Variants in COL26A1 observed in about 807,000 individuals in gnomAD.
COL26A1 encodes collagen alpha-1(XXVI) chain.
Under a neutral mutation model 59.3 loss-of-function variants are expected in COL26A1, and 41 were observed. That is an observed-to-expected ratio of 0.69 (90% CI 0.54 to 0.90). The LOEUF (loss-of-function observed/expected upper bound fraction) is 0.90. COL26A1 is among the 40% of genes least tolerant of loss of function. The pLI is 0.00. For missense variants in COL26A1, 612 were observed against 602.3 expected, an observed-to-expected ratio of 1.02 and a Z score of -0.17; for synonymous variants, 266 against 256.0, an observed-to-expected ratio of 1.04 and a Z score of -0.37.
chr7:101,484,880 G>A (rs957714890), intron 3 of COL26A1, among the ~76,000 whole-genome samples: 1 of 150,074 alleles, frequency 6.7e-6, no homozygotes, highest in Non-Finnish European at 1.5e-5. Flanking sequence ...TTGAGACAGA[G>A]TTTTGCTCTT....
At chr7:101,447,651 G>A in intron 2 of COL26A1, 33 bp from the exon 3 acceptor site, 2 of 1,424,984 alleles carry the variant, frequency 1.4e-6, no homozygotes, top group Non-Finnish European at 1.9e-6. Context: ...GTGGGTGGGA[G>A]CTCATGCCCC....
chr7:101,430,018 G>A (rs928663086), intron 2 of COL26A1, among the ~76,000 whole-genome samples: 11 of 152,072 alleles, frequency 7.2e-5, no homozygotes, highest in African/African-American at 2.7e-4. Context: ...CATTTAACCT[G>A]TATATCTATT....
intron 1 of COL26A1, among the ~76,000 whole-genome samples, chr7:101,413,896 T>C (rs1398795337): frequency 6.6e-6 from 1 of 152,118 alleles, no homozygotes; most frequent in East Asian, 1.9e-4. Context: ...GTGCAGTTAT[T>C]TTATGGCCCC....
intron 3 of COL26A1, among the ~76,000 whole-genome samples, chr7:101,452,327 G>A (rs946412477): frequency 3.3e-5 from 5 of 152,134 alleles, no homozygotes; most frequent in African/African-American, 7.2e-5. Flanking sequence ...GGTTCATGTG[G>A]GGCTGTGGAC....
At chr7:101,379,119 A>G (rs1468951088) in intron 1 of COL26A1, among the ~76,000 whole-genome samples, 1 of 151,924 alleles carries the variant, frequency 6.6e-6, no homozygotes, top group African/African-American at 2.4e-5. Context: ...GGGAGGGTTT[A>G]TCTCCCTTCC....
Position 101,512,996 on chromosome 7 carries a change from TTTATTA to T in COL26A1, c.386-20065_386-20060del, listed in dbSNP as rs60374143. Among the ~76,000 whole-genome samples, 7 of 149,492 alleles carry T rather than the reference TTTATTA, an allele frequency of 4.7e-5. No individual in the cohort carries two copies. In the East Asian group the frequency reaches 5.8e-4, roughly 12 times the overall value. On this transcript the variant is annotated intron_variant, in intron 3 of 12. Transcript: ENST00000313669. Reference sequence around the variant, plus strand: ...CATTAAAAGCCTCCCTTTTTACAATTTTATTATTATTATTATTATTATTATTTTGAG... The same window carrying T: ...CATTAAAAGCCTCCCTTTTTACAATTTTATTATTATTATTATTATTTTGAG...
intron 1 of COL26A1, among the ~76,000 whole-genome samples, chr7:101,412,217 G>T (rs1202489593): frequency 6.6e-6 from 1 of 152,112 alleles, no homozygotes; most frequent in African/African-American, 2.4e-5. Context: ...ATGCCCACCA[G>T]TGCGCCATGT....
intron 3 of COL26A1, among the ~76,000 whole-genome samples, chr7:101,452,413 C>T (rs1302315626): frequency 6.6e-6 from 1 of 152,084 alleles, no homozygotes; most frequent in Admixed American, 6.6e-5. Flanking sequence ...AGGTGTCCAC[C>T]CTCAAGGGCT....
At chr7:101,488,267 T>G (rs1794309378) in intron 3 of COL26A1, among the ~76,000 whole-genome samples, 1 of 146,784 alleles carries the variant, frequency 6.8e-6, no homozygotes, top group African/African-American at 2.5e-5. Flanking sequence ...GGTGACAGAG[T>G]GAGACTCTGT....
rs375868186 is a variant in COL26A1 at position 101,545,340 on chromosome 7, C to T, written c.706C>T (p.Leu236Phe). Residue 236 changes from leucine (L) to phenylalanine (F), a missense_variant and splice_region_variant, in exon 7 of 13, where the codon CTC becomes TTC. Leu to Phe is a conservative substitution (Grantham distance 22, BLOSUM62 0). Transcript: ENST00000313669. ...GACTGTTCTTTTCCTCATTGCAGGGCTCCTGGGGCCTCCAGGGCCCCGTGG... is the reference window on the plus strand; with the variant it reads ...GACTGTTCTTTTCCTCATTGCAGGGTTCCTGGGGCCTCCAGGGCCCCGTGG... ...GEKGPAGPPG[L>F]LGPPGPRGLP... 77 of 1,566,018 alleles carry T rather than the reference C, an allele frequency of 4.9e-5. No individual in the cohort carries two copies. Among genetic ancestry groups the T allele is most frequent in the Non-Finnish European group, 6.2e-5 (72 of 1,163,910 alleles).
At chr7:101,463,869 T>TGTTC (rs1793688674) in intron 3 of COL26A1, among the ~76,000 whole-genome samples, 1 of 91,692 alleles carries the variant, frequency 1.1e-5, no homozygotes, top group African/African-American at 5.9e-5. Flanking sequence ...CTCTTTTTTC[T>TGTTC]TTTCTTTCTT....
At chr7:101,515,748 C>T (rs1203598826) in intron 3 of COL26A1, among the ~76,000 whole-genome samples, 1 of 151,474 alleles carries the variant, frequency 6.6e-6, no homozygotes, top group Admixed American at 6.6e-5. Context: ...GCCACCACAA[C>T]CAGGTAATTT....
intron 2 of COL26A1, among the ~76,000 whole-genome samples, chr7:101,444,130 G>A (rs988866276): frequency 1.6e-4 from 24 of 151,630 alleles, no homozygotes; most frequent in African/African-American, 5.8e-4. Flanking sequence ...CTCCTGCCTC[G>A]GCCTCCCAAA....
At chr7:101,376,939 A>C (rs1044438649) in intron 1 of COL26A1, among the ~76,000 whole-genome samples, 3 of 151,978 alleles carry the variant, frequency 2.0e-5, no homozygotes, top group African/African-American at 7.2e-5. Context: ...GCTCACTGCA[A>C]TCTCTGCCTC....
chr7:101,478,226 C>T (rs1487556147), intron 3 of COL26A1, among the ~76,000 whole-genome samples: 1 of 152,172 alleles, frequency 6.6e-6, no homozygotes, highest in African/African-American at 2.4e-5. Context: ...AGTGATCCAC[C>T]CACCTCAGCC....
At chr7:101,387,749 TA>T (rs1562958179) in intron 1 of COL26A1, among the ~76,000 whole-genome samples, 2 of 99,856 alleles carry the variant, frequency 2.0e-5, no homozygotes, top group African/African-American at 8.7e-5. Context: ...TATATATATA[TA>T]TATTTATATA....
intron 3 of COL26A1, among the ~76,000 whole-genome samples, chr7:101,504,080 T>C (rs906678317): frequency 2.0e-5 from 3 of 152,040 alleles, no homozygotes; most frequent in Non-Finnish European, 4.4e-5. Context: ...CTGAGCTCAC[T>C]ACCCCAGCTG....
At chr7:101,424,068 A>G (rs947409977) in intron 2 of COL26A1, among the ~76,000 whole-genome samples, 9 of 151,660 alleles carry the variant, frequency 5.9e-5, no homozygotes, top group African/African-American at 7.3e-5. Context: ...AACATCAGCC[A>G]TGGGTTGTGG....
chr7:101,376,577 TCTC>T (rs150089537), intron 1 of COL26A1, among the ~76,000 whole-genome samples: 2,010 of 152,150 alleles, frequency 0.013, 31 homozygotes, highest in African/African-American at 0.046. Context: ...TTTCGGACCT[TCTC>T]CTGTAGCTGA....
Sources: allele counts gnomAD v4.1 joint callset (sites outside exome capture counted in the v4.1 genomes callset), GRCh38; gene constraint gnomAD v4.1.1; transcripts MANE v1.5; gene names NCBI Gene and HGNC (gene_info 2026-07-23, HGNC 2026-07-21).